Variants in RNF150 observed in about 807,000 individuals in gnomAD.
RNF150 encodes the protein ring finger protein 150.
Under a neutral mutation model 39.3 loss-of-function variants are expected in RNF150, and 24 were observed. The observed-to-expected ratio is 0.61, with a 90% CI of 0.44 to 0.86. The LOEUF is 0.86. Ranked by LOEUF, RNF150 falls within the 40% of genes least tolerant of loss-of-function variation. The pLI, the probability that RNF150 is intolerant of heterozygous loss-of-function variation, is 0.00. For missense variants in RNF150, 502 were observed against 587.8 expected (o/e 0.85, Z 1.51); for synonymous variants, 255 against 227.3 (o/e 1.12, Z -1.10).
At chr4:141,164,011 T>C (rs1727557901) in intron 1 of RNF150, among the ~76,000 whole-genome samples, 2 of 151,894 alleles carry the variant, frequency 1.3e-5, no homozygotes, top group Non-Finnish European at 2.9e-5. Context: ...TCTTTCAAGC[T>C]AAAAGAACAT....
chr4:140,957,626 A>G (rs1039355984), intron 2 of RNF150, among the ~76,000 whole-genome samples: 4 of 152,050 alleles, frequency 2.6e-5, no homozygotes, highest in Non-Finnish European at 4.4e-5. Flanking sequence ...CATTATTCAC[A>G]ATAGCAAAGA....
intron 1 of RNF150, among the ~76,000 whole-genome samples, chr4:141,163,943 G>A (rs990947190): frequency 6.6e-6 from 1 of 152,206 alleles, no homozygotes; most frequent in African/African-American, 2.4e-5. Context: ...AAAACTGGAT[G>A]GAGAATGAGT....
intron 1 of RNF150, among the ~76,000 whole-genome samples, chr4:141,177,480 CT>C (rs1727833634): frequency 2.1e-5 from 2 of 96,118 alleles, no homozygotes; most frequent in African/African-American, 6.2e-5. Context: ...GATTCTTTCT[CT>C]CTCTCTCTCT....
chr4:141,084,669 T>C (rs904785959), intron 1 of RNF150, among the ~76,000 whole-genome samples: 7 of 152,218 alleles, frequency 4.6e-5, no homozygotes, highest in Admixed American at 1.3e-4. Context: ...AACTAGAGTG[T>C]ATACTTAGGA....
chr4:141,073,784 G>T (rs1161902590), intron 1 of RNF150, among the ~76,000 whole-genome samples: 1 of 152,112 alleles, frequency 6.6e-6, no homozygotes, highest in African/African-American at 2.4e-5. Flanking sequence ...CTAGCTATAA[G>T]GAAGGGTGGA....
At chr4:140,955,273 T>C (rs1014314167) in intron 2 of RNF150, among the ~76,000 whole-genome samples, 4 of 152,178 alleles carry the variant, frequency 2.6e-5, no homozygotes, top group Non-Finnish European at 4.4e-5. Context: ...TGTGATGACC[T>C]CATAGAGTGG....
intron 1 of RNF150, among the ~76,000 whole-genome samples, chr4:141,033,371 T>A (rs567004463): frequency 6.6e-6 from 1 of 152,220 alleles, no homozygotes; most frequent in African/African-American, 2.4e-5. Context: ...ACTCCACTTA[T>A]AATTCTAGTT....
At chr4:141,001,663 C>G (rs1007085329) in intron 1 of RNF150, among the ~76,000 whole-genome samples, 5 of 151,900 alleles carry the variant, frequency 3.3e-5, no homozygotes, top group African/African-American at 1.2e-4. Context: ...GTGCTTACAT[C>G]TAAGACAAAC....
chr4:140,985,417 G>A (rs1733986725), intron 1 of RNF150, among the ~76,000 whole-genome samples: 1 of 152,102 alleles, frequency 6.6e-6, no homozygotes, highest in Non-Finnish European at 1.5e-5. Flanking sequence ...CCTTATGAGA[G>A]AATGATATTT....
chr4:140,931,999 C>T (rs1240748198), intron 4 of RNF150, among the ~76,000 whole-genome samples: 1 of 152,130 alleles, frequency 6.6e-6, no homozygotes, highest in African/African-American at 2.4e-5. Flanking sequence ...CTGTTTTTCC[C>T]ATCTCTTTCA....
At chr4:141,100,135 G>A (rs942592196) in intron 1 of RNF150, among the ~76,000 whole-genome samples, 6 of 152,106 alleles carry the variant, frequency 3.9e-5, no homozygotes, top group African/African-American at 1.2e-4. Context: ...GACCTCAAGG[G>A]ACTAGGAGTT....
chr4:141,058,194 A>G (rs1737067200), intron 1 of RNF150, among the ~76,000 whole-genome samples: 1 of 152,144 alleles, frequency 6.6e-6, no homozygotes, highest in Non-Finnish European at 1.5e-5. Flanking sequence ...ACCTTTAATA[A>G]TATGTTGCAT....
At chr4:141,064,498 G>C (rs1001932926) in intron 1 of RNF150, among the ~76,000 whole-genome samples, 3 of 152,074 alleles carry the variant, frequency 2.0e-5, no homozygotes, top group Admixed American at 2.0e-4. Context: ...AGCTACTTGG[G>C]AAGCTGAGGC....
chr4:141,121,159 A>G (rs904827561), intron 1 of RNF150, among the ~76,000 whole-genome samples: 1 of 152,184 alleles, frequency 6.6e-6, no homozygotes, highest in African/African-American at 2.4e-5. Context: ...TAGGAGGCTC[A>G]CTTTACAGAT....
At chr4:140,984,524 A>T (rs536792136) in intron 1 of RNF150, among the ~76,000 whole-genome samples, 1 of 152,140 alleles carries the variant, frequency 6.6e-6, no homozygotes, top group South Asian at 2.1e-4. Flanking sequence ...AAAAAGCTAC[A>T]AAGGTCTGAA....
At chr4:140,980,705 G>A (rs1272012682) in intron 1 of RNF150, among the ~76,000 whole-genome samples, 1 of 152,082 alleles carries the variant, frequency 6.6e-6, no homozygotes, top group Admixed American at 6.6e-5. Context: ...CCTTCCTGCT[G>A]CCATGTGAAG....
intron 1 of RNF150, among the ~76,000 whole-genome samples, chr4:141,151,602 G>A (rs754727736): frequency 3.9e-5 from 6 of 151,936 alleles, no homozygotes; most frequent in South Asian, 2.1e-4. Flanking sequence ...CAGAAAAATC[G>A]AAGAACATTA....
chr4:140,976,498 C>CT (rs899457001), intron 1 of RNF150, among the ~76,000 whole-genome samples: 1 of 151,966 alleles, frequency 6.6e-6, no homozygotes, highest in Non-Finnish European at 1.5e-5. Flanking sequence ...CCATTGCTCC[C>CT]TAGACACACA....
chr4:141,114,767 C>T (rs550274469), intron 1 of RNF150, among the ~76,000 whole-genome samples: 1 of 152,120 alleles, frequency 6.6e-6, no homozygotes, highest in African/African-American at 2.4e-5. Context: ...AAACCAAATC[C>T]AGCAGGACAT....
Sources: gnomAD v4.1 joint callset for allele counts (sites outside exome capture counted in the v4.1 genomes callset) on GRCh38, gnomAD v4.1.1 for gene constraint, MANE v1.5 for transcripts, NCBI Gene and HGNC (gene_info 2026-07-23, HGNC 2026-07-21) for gene names.